The following RBFOX1 variants were observed in gnomAD, a reference collection of about 807,000 sequenced individuals.
RBFOX1 encodes the protein RNA binding protein fox-1 homolog 1.
In RBFOX1, 8 loss-of-function variants were observed where a neutral mutation model predicts 57.7. The observed-to-expected ratio is 0.14, with a 90% CI of 0.08 to 0.25. The LOEUF (loss-of-function observed/expected upper bound fraction) is 0.25. Ranked by LOEUF, RBFOX1 falls within the 10% of genes least tolerant of loss-of-function variation. RBFOX1 has a pLI of 1.00. For missense variants in RBFOX1, 611 were observed against 548.5 expected (o/e 1.11, Z -1.14); for synonymous variants, 326 against 222.4 (o/e 1.47, Z -4.15).
intron 1 of RBFOX1, among the ~76,000 whole-genome samples, chr16:6,208,499 C>T (rs2097270054): frequency 6.6e-6 from 1 of 152,064 alleles, no homozygotes; most frequent in South Asian, 2.1e-4. Flanking sequence ...CTTTGGAGGT[C>T]AAGGCTTTGT....
At chr16:5,829,624 C>T (rs1463141942) in intron 3 of RBFOX1, among the ~76,000 whole-genome samples, 2 of 152,124 alleles carry the variant, frequency 1.3e-5, no homozygotes, top group Non-Finnish European at 2.9e-5. Flanking sequence ...TCAGTAACAG[C>T]CCCTGCTCAT....
chr16:6,136,537 A>G (rs1268578933), intron 1 of RBFOX1, among the ~76,000 whole-genome samples: 1 of 152,156 alleles, frequency 6.6e-6, no homozygotes, highest in Non-Finnish European at 1.5e-5. Flanking sequence ...GAAACTACCC[A>G]TTATTATGAA....
intron 1 of RBFOX1, among the ~76,000 whole-genome samples, chr16:5,403,255 C>G (rs1401373828): frequency 6.7e-6 from 1 of 149,364 alleles, no homozygotes; most frequent in African/African-American, 2.5e-5. Context: ...GAGGCTGAGG[C>G]AGGAGAATCG....
At chr16:6,772,608 T>C (rs2078501120) in intron 3 of RBFOX1, among the ~76,000 whole-genome samples, 1 of 150,506 alleles carries the variant, frequency 6.6e-6, no homozygotes, top group African/African-American at 2.5e-5. Flanking sequence ...GGTGCATTTG[T>C]GAGTGTATGT....
chr16:6,859,671 C>A (rs2058665228), intron 3 of RBFOX1, among the ~76,000 whole-genome samples: 3 of 152,054 alleles, frequency 2.0e-5, no homozygotes, highest in Non-Finnish European at 4.4e-5. Flanking sequence ...AATAATGGAA[C>A]CATTTAATTC....
intron 1 of RBFOX1, among the ~76,000 whole-genome samples, chr16:5,375,774 G>C (rs964994596): frequency 6.6e-6 from 1 of 152,200 alleles, no homozygotes; most frequent in African/African-American, 2.4e-5. Context: ...CAGTGCGTTC[G>C]TCCCTGCACC....
intron 2 of RBFOX1, among the ~76,000 whole-genome samples, chr16:6,468,038 CTG>C (rs1400646143): frequency 1.3e-5 from 2 of 152,126 alleles, no homozygotes; most frequent in African/African-American, 4.8e-5. Flanking sequence ...GAAGGAGAGT[CTG>C]TGTCTCCTGG....
intron 2 of RBFOX1, among the ~76,000 whole-genome samples, chr16:6,326,268 G>A (rs994627210): frequency 2.6e-5 from 4 of 152,016 alleles, no homozygotes; most frequent in Admixed American, 6.6e-5. Flanking sequence ...TTGGATTCTC[G>A]CTAGGTACTG....
intron 12 of RBFOX1, among the ~76,000 whole-genome samples, chr16:7,661,751 TA>T (rs2067806999): frequency 6.6e-6 from 1 of 152,180 alleles, no homozygotes; most frequent in Admixed American, 6.5e-5. Flanking sequence ...AGAGAAATAG[TA>T]TGTATTTGGC....
intron 4 of RBFOX1, among the ~76,000 whole-genome samples, chr16:7,270,048 A>G (rs536443362): frequency 7.9e-5 from 12 of 152,304 alleles, no homozygotes; most frequent in East Asian, 5.8e-4. Context: ...TCTTAACACA[A>G]TGTGAAATAC....
At chr16:7,519,135 G>A (rs1018491426) in intron 5 of RBFOX1, among the ~76,000 whole-genome samples, 5 of 152,196 alleles carry the variant, frequency 3.3e-5, no homozygotes. Context: ...GTTGTGCGAT[G>A]ATTGCCGGAT....
intron 2 of RBFOX1, among the ~76,000 whole-genome samples, chr16:6,551,441 G>T (rs940867075): frequency 6.6e-6 from 1 of 152,132 alleles, no homozygotes; most frequent in Non-Finnish European, 1.5e-5. Context: ...AAAACTAAAG[G>T]ATCGTATAAT....
intron 1 of RBFOX1, among the ~76,000 whole-genome samples, chr16:6,065,466 C>A (rs1054125713): frequency 1.3e-5 from 2 of 152,178 alleles, no homozygotes; most frequent in African/African-American, 4.8e-5. Flanking sequence ...GGTCATAGAT[C>A]ATTTCAAAGC....
chr16:6,146,561 T>C (rs998196037), intron 1 of RBFOX1, among the ~76,000 whole-genome samples: 4 of 152,266 alleles, frequency 2.6e-5, no homozygotes, highest in African/African-American at 9.6e-5. Context: ...CAGTGGCTAC[T>C]GATACTGGCA....
intron 2 of RBFOX1, chr16:6,577,360 C>G (rs1206880993): frequency 6.6e-6 from 1 of 152,174 alleles, no homozygotes; most frequent in Non-Finnish European, 1.5e-5. Context: ...AGCAATAATG[C>G]TTAATATTTG....
intron 3 of RBFOX1, among the ~76,000 whole-genome samples, chr16:6,787,016 T>C (rs74007042): frequency 0.15 from 22,423 of 152,060 alleles, 2,289 homozygotes; most frequent in African/African-American, 0.29. Context: ...TGCTTTGGGG[T>C]TCAGGTTGGA....
At chr16:6,829,649 G>T (rs1029401813) in intron 3 of RBFOX1, among the ~76,000 whole-genome samples, 8 of 151,744 alleles carry the variant, frequency 5.3e-5, no homozygotes, top group East Asian at 1.9e-4. Flanking sequence ...TCACCCATAC[G>T]GCAGTGCAGG....
chr16:6,525,624 C>A (rs1176425438), intron 2 of RBFOX1, among the ~76,000 whole-genome samples: 2 of 151,968 alleles, frequency 1.3e-5, no homozygotes, highest in Admixed American at 6.6e-5. Flanking sequence ...ATGAAGGCAC[C>A]AGCAGGTCTG....
chr16:5,954,330 C>T (rs144735611), intron 4 of RBFOX1, among the ~76,000 whole-genome samples: 186 of 152,168 alleles, frequency 1.2e-3, no homozygotes, highest in African/African-American at 4.3e-3. Context: ...TAACTCAGGC[C>T]GGGTGGGGGT....
Sources: gnomAD v4.1 joint callset for allele counts (sites outside exome capture counted in the v4.1 genomes callset) on GRCh38, gnomAD v4.1.1 for gene constraint, MANE v1.5 for transcripts, NCBI Gene and HGNC (gene_info 2026-07-23, HGNC 2026-07-21) for gene names.